Variants in MEIS3 observed in about 807,000 individuals in gnomAD.
The protein encoded by MEIS3 is homeobox protein Meis3.
A neutral mutation model predicts 51.4 loss-of-function variants in MEIS3; 38 were observed. The ratio of observed to expected loss-of-function variants is 0.74; its 90% CI spans 0.57 to 0.97. The LOEUF is 0.97. MEIS3 is among the 50% of genes least tolerant of loss of function. MEIS3 has a pLI of 0.00. For missense variants in MEIS3, 456 were observed against 502.6 expected (o/e 0.91, Z 0.89); for synonymous variants, 198 against 201.8 (o/e 0.98, Z 0.16).
intron 6 of MEIS3, among the ~76,000 whole-genome samples, chr19:47,412,706 T>C (rs1481339429): frequency 2.6e-5 from 4 of 152,170 alleles, no homozygotes; most frequent in African/African-American, 9.6e-5. Flanking sequence ...GGATCAGAGG[T>C]GCGTGCCACC....
At chr19:47,414,914 C>A (rs752732950) in intron 5 of MEIS3, 48 bp from the exon 6 acceptor site, 11 of 308,462 alleles carry the variant, frequency 3.6e-5, no homozygotes, top group South Asian at 2.2e-4. Flanking sequence ...GGGGGCAGGG[C>A]GGGGGTGCTC....
At chr19:47,415,481 G>C (rs1470126180) in intron 4 of MEIS3, among the ~76,000 whole-genome samples, 2 of 151,966 alleles carry the variant, frequency 1.3e-5, no homozygotes, top group Non-Finnish European at 2.9e-5. Context: ...ACTTGCCAAA[G>C]GGTTTGGCCA....
In MEIS3 at chr19:47,403,418, GC is replaced by G. The variant is rs1438518403; in HGVS notation, c.*152del. 18 of 454,738 alleles carry G rather than the reference GC, an allele frequency of 4.0e-5. No individual in the cohort carries two copies. The highest frequency in any genetic ancestry group is 1.4e-4 in the Admixed American group (6 of 42,558). 28.2% of individuals were successfully genotyped at this position (454,738 alleles called of 1,614,324 possible). The stretch of plus-strand genomic sequence containing the variant: ...TGAGAGCCCTTGGATGGGCACTCAG[GC>G]CCCCATGTCCCAGCAGGGCCCTAGG... On this transcript the variant is annotated 3_prime_UTR_variant, in exon 13 of 13. Coordinates refer to ENST00000558555, the MANE Select transcript of MEIS3 (RefSeq NM_001301059.2).
At position 47,409,185 on chromosome 19, in the gene MEIS3, G is replaced by C; in HGVS notation, c.772C>G (p.Gln258Glu). 10 of 1,613,066 alleles carry C rather than the reference G, an allele frequency of 6.2e-6. No homozygotes were observed. Among genetic ancestry groups the C allele is most frequent in the Non-Finnish European group, 8.5e-6 (10 of 1,179,990 alleles). ...SSGGEDEDLD[Q>E]ERRRNKKRGI... The stretch of plus-strand genomic sequence containing the variant: ...CTCTTCTTGTTTCGCCGTCGCTCCT[G>C]GTCCAAGTCCTCATCTTCTCCACCA... The change falls in exon 8 of 13, where the codon CAG (glutamine) becomes GAG (glutamate). Residue 258 changes from glutamine (Q) to glutamate (E), a missense_variant. Gln to Glu is a conservative substitution (Grantham distance 29). Transcript: ENST00000558555.
At chr19:47,416,290 T>G (rs376435531) in intron 4 of MEIS3, 2 of 213,668 alleles carry the variant, frequency 9.4e-6, no homozygotes, top group East Asian at 2.4e-4. Context: ...CCCTATTCTG[T>G]GCCAGGTGCT....
chr19:47,406,839 TG>T, intron 11 of MEIS3, 48 bp downstream of exon 11: 2 of 1,477,222 alleles, frequency 1.4e-6, no homozygotes, highest in South Asian at 1.2e-5. Flanking sequence ...GTTTTACAGG[TG>T]GGTCATGGTG....
rs1213242030 is a variant in MEIS3, at chr19:47,406,546, G to C, written c.1079-20C>G. On this transcript the variant is annotated intron_variant, in intron 11 of 12. Transcript: ENST00000558555. ...CTGATCCTGGAAGACAAAAAAAAAG[G>C]AGGGTAAGTGCGTCTTTCAGAGACA... is the stretch of plus-strand genomic sequence containing the variant. 1 of 1,613,570 alleles carries C rather than the reference G, an allele frequency of 6.2e-7. No individual in the cohort carries two copies. The highest frequency in any genetic ancestry group is 8.5e-7 in the Non-Finnish European group (1 of 1,179,666).
upstream of MEIS3, among the ~76,000 whole-genome samples, chr19:47,419,857 C>A (rs896240642): frequency 6.6e-6 from 1 of 152,138 alleles, no homozygotes; most frequent in African/African-American, 2.4e-5. Flanking sequence ...GCCCCCTGGA[C>A]ACACCACGGA....
upstream of MEIS3, among the ~76,000 whole-genome samples, chr19:47,420,936 A>ACT (rs1160473837): frequency 1.1e-4 from 10 of 93,982 alleles, no homozygotes; most frequent in Admixed American, 4.0e-4. Flanking sequence ...ACACACACAC[A>ACT]CACACTCTCT....
Position 47,419,190 on chromosome 19 carries a change from G to A in MEIS3, c.-109C>T. ...GCCCGCGGTGTTGACGCCAGGGGGT[G>A]GGCAGGAGGCCAGGCGCGCGCCCCC... On this transcript the variant is annotated 5_prime_UTR_variant, in exon 1 of 13. Coordinates refer to ENST00000558555, the MANE Select transcript of MEIS3 (RefSeq NM_001301059.2). 1.2e-6 allele frequency: 1 copy of A among 809,034 alleles called. No homozygotes were observed. The highest frequency in any genetic ancestry group is 3.5e-5 in the East Asian group (1 of 28,598). The allele number at this position is 809,034 out of a possible 1,614,324, so 50.1% of individuals were successfully genotyped here.
chr19:47,419,994 G>T (rs879443011), upstream of MEIS3, among the ~76,000 whole-genome samples: 9 of 152,120 alleles, frequency 5.9e-5, no homozygotes, highest in Non-Finnish European at 1.2e-4. Context: ...CGGCGGGGGT[G>T]GGCTGTGGAT....
chr19:47,410,931 A>G (rs1328301346), intron 6 of MEIS3, among the ~76,000 whole-genome samples: 12 of 151,906 alleles, frequency 7.9e-5, no homozygotes, highest in Non-Finnish European at 2.9e-5. Context: ...GATTCCGAAC[A>G]TTTCACATTT....
At chr19:47,422,206 C>T (rs1044150973), upstream of MEIS3, among the ~76,000 whole-genome samples, 7 of 152,030 alleles carry the variant, frequency 4.6e-5, no homozygotes, top group African/African-American at 1.7e-4. Context: ...CACGGCTCAG[C>T]GGTGGCGGGA....
chr19:47,420,974 T>TC (rs200497887), upstream of MEIS3, among the ~76,000 whole-genome samples: 6,789 of 106,876 alleles, frequency 0.064, 730 homozygotes, highest in African/African-American at 0.16. Context: ...TCTCTCTCTC[T>TC]TCCTGGCTGT....
upstream of MEIS3, among the ~76,000 whole-genome samples, chr19:47,421,180 A>T (rs1004950175): frequency 1.3e-5 from 2 of 152,050 alleles, no homozygotes; most frequent in African/African-American, 2.4e-5. Context: ...CCTGGGTGGC[A>T]TCAGAGTGAC....
chr19:47,414,194 G>A (rs1271448099), intron 6 of MEIS3, among the ~76,000 whole-genome samples: 2 of 152,088 alleles, frequency 1.3e-5, no homozygotes, highest in African/African-American at 2.4e-5. Flanking sequence ...AGAGGGCACC[G>A]TGGTCAGTCC....
chr19:47,417,926 CACACACATGCA>C, intron 1 of MEIS3: 1 of 567,252 alleles, frequency 1.8e-6, no homozygotes, highest in Non-Finnish European at 3.1e-6. Flanking sequence ...CCCCCCCCCA[CACACACATGCA>C]CACACACATG....
chr19:47,405,379 C>T (rs775649842), intron 12 of MEIS3, among the ~76,000 whole-genome samples: 1 of 152,136 alleles, frequency 6.6e-6, no homozygotes, highest in Non-Finnish European at 1.5e-5. Context: ...AGGCCACTTC[C>T]TCTAGGAAAT....
In MEIS3 at chr19:47,414,528, C is replaced by G. The variant is rs1971296557; in HGVS notation, c.597+189G>C. ...CCGCTGGTGTGCGTGTGTCTGTGCA[C>G]TGTTGCCCAGCCGCATCCGAGTCTG... On this transcript the variant is annotated intron_variant, in intron 6 of 12. Coordinates refer to ENST00000558555, the MANE Select transcript of MEIS3 (RefSeq NM_001301059.2). Among the ~76,000 whole-genome samples, 3 of 152,142 alleles carry G rather than the reference C, an allele frequency of 2.0e-5. No individual in the cohort carries two copies. In the South Asian group the frequency reaches 6.2e-4, roughly 31 times the overall value.
Sources: allele counts gnomAD v4.1 joint callset (sites outside exome capture counted in the v4.1 genomes callset), GRCh38; gene constraint gnomAD v4.1.1; transcripts MANE v1.5; gene names NCBI Gene and HGNC (gene_info 2026-07-23, HGNC 2026-07-21).